TSC2: variants seen among roughly 807,000 people sequenced by gnomAD.
TSC2 encodes tuberin.
A neutral mutation model predicts 202.2 loss-of-function variants in TSC2; 29 were observed. The ratio of observed to expected loss-of-function variants is 0.14; its 90% CI spans 0.11 to 0.20. TSC2 has a LOEUF of 0.20. TSC2 is among the 10% of genes least tolerant of loss of function. The pLI is 1.00. For missense variants in TSC2, 2,429 were observed against 2,420.0 expected (o/e 1.00, Z -0.08); for synonymous variants, 1,349 against 1,044.0 (o/e 1.29, Z -5.63).
chr16:2,078,946 C>T, intron 26 of TSC2, 86 bp from the exon 27 acceptor site: 2 of 1,574,142 alleles, frequency 1.3e-6, no homozygotes, highest in South Asian at 2.2e-5. Flanking sequence ...CTCAGCCGTG[C>T]ATGCGTTGAG....
rs1400548727 is a variant in TSC2, at chr16:2,074,253, G to T, written c.2409G>T (p.Gln803His). 18 of 1,612,828 alleles carry T rather than the reference G, an allele frequency of 1.1e-5. No homozygotes were observed. In the East Asian group the frequency reaches 3.8e-4, roughly 34 times the overall value. ...EQGLIHRCASQCVVALSICSV... is the reference protein window; with the variant it reads ...EQGLIHRCASHCVVALSICSV... ...GCCTCATCCACCGCTGTGCCAGCCA[G>T]TGCGTCGTGGCCTTGTCCATCTGCA... Residue 803 changes from glutamine to histidine, a missense_variant, in exon 22 of 42, where the codon CAG becomes CAT. Gln to His is a conservative substitution (Grantham distance 24). Transcript: ENST00000219476.
chr16:2,080,376 AGGTACTGGGCGGGGCT>A lies in TSC2; in HGVS notation c.3610+2_3610+17del. 1 of 1,611,242 alleles carries A rather than the reference AGGTACTGGGCGGGGCT, an allele frequency of 6.2e-7. No homozygotes were observed. Among genetic ancestry groups the A allele is most frequent in the East Asian group, 2.2e-5 (1 of 44,888 alleles). On this transcript the variant is annotated splice_donor_variant and splice_donor_5th_base_variant and coding_sequence_variant and intron_variant, in exon 30 of 42. Transcript: ENST00000219476. LOFTEE classifies it high-confidence loss of function. ...CGGAGATCCTGGTCCGGAGGCCCAC[AGGTACTGGGCGGGGCT>A]GGCCTGAGCGCCATCTTTCTGCCAG...
rs2151137077 is a variant in TSC2, at chr16:2,060,747, G to A, written c.1053G>A (p.Lys351=). The change falls in exon 11 of 42, where the codon AAG becomes AAA. Residue 351 remains lysine (K), a synonymous_variant. Coordinates refer to ENST00000219476, the MANE Select transcript of TSC2 (RefSeq NM_000548.5). ...SITRLIKKYR[K]ELQVVAWDIL... ...CCAGGCTCATCAAGAAGTATAGGAA[G>A]GAGCTCCAGGTGGTGGCGTGGGACA... The A allele has an allele frequency of 6.2e-7, 1 of 1,614,148 alleles. No individual in the cohort carries two copies. The highest frequency in any genetic ancestry group is 8.5e-7 in the Non-Finnish European group (1 of 1,180,028).
intron 1 of TSC2, 197 bp downstream of exon 1, chr16:2,048,262 T>C: frequency 7.9e-7 from 1 of 1,260,668 alleles, no homozygotes; most frequent in Non-Finnish European, 1.1e-6. Flanking sequence ...TGACAGCTCC[T>C]GCTTCACATG....
intron 1 of TSC2, 164 bp downstream of exon 1, chr16:2,048,229 G>T (rs779120404): frequency 5.0e-5 from 73 of 1,449,094 alleles, no homozygotes; most frequent in Non-Finnish European, 6.3e-5. Context: ...GGTGCGAACG[G>T]GTCTCTGCTG....
At position 2,079,709 on chromosome 16, in the gene TSC2, GC is replaced by G; in HGVS notation, c.3397+41del. ...CAGCCACCTCCACACAGGCACCGGG[GC>G]TCCCTCAGTTGCTGCTGGTCCCAGT... On this transcript the variant is annotated intron_variant, in intron 29 of 41. Transcript: ENST00000219476. This position sits in a 1 kb window ranked among gnomAD's most constrained non-coding sequence, Gnocchi z 4.6. 1 of 1,539,330 alleles carries G rather than the reference GC, an allele frequency of 6.5e-7. No homozygotes were observed. Among genetic ancestry groups the G allele is most frequent in the Non-Finnish European group, 8.8e-7 (1 of 1,140,958 alleles).
intron 26 of TSC2, among the ~76,000 whole-genome samples, 186 bp downstream of exon 26, chr16:2,077,912 G>T (rs1357291798): frequency 6.6e-6 from 1 of 152,262 alleles, no homozygotes; most frequent in South Asian, 2.1e-4. Context: ...TATGAGCACG[G>T]GCTGGTTGCA....
rs1040260838 is a variant in TSC2 at position 2,065,464 on chromosome 16, G to T, written c.1600-55G>T. 1.1e-5 allele frequency: 14 copies of T among 1,312,652 alleles called. 1 individual carries two copies. The East Asian group carries it at 3.0e-4, about 28-fold the overall frequency. The allele number at this position is 1,312,652 out of a possible 1,614,324, so 81.3% of individuals were successfully genotyped here. A position where few individuals can be genotyped will look rare whatever the true frequency, so the allele number is the denominator to read the frequency against. On this transcript the variant is annotated intron_variant, in intron 15 of 41. Transcript: ENST00000219476. ...TGTTTGTGGTAGAAAGTGTTCTCAC[G>T]GCTGCTGACTCAGAACCATGAGCCT... is the stretch of plus-strand genomic sequence containing the variant.
At chr16:2,056,426 T>G (rs1459206291) in intron 7 of TSC2, among the ~76,000 whole-genome samples, 182 bp downstream of exon 7, 2 of 152,204 alleles carry the variant, frequency 1.3e-5, no homozygotes, top group Non-Finnish European at 2.9e-5. Flanking sequence ...CATGTGGAGA[T>G]GTAGCTCAGG....
At chr16:2,081,231 C>T in intron 30 of TSC2, 1 of 376,116 alleles carries the variant, frequency 2.7e-6, no homozygotes, top group South Asian at 2.2e-5. Context: ...GGCCCAGAGC[C>T]CAGGGACAGA....
chr16:2,076,747 C>T (rs2089442244), intron 25 of TSC2, 162 bp downstream of exon 25: 2 of 712,586 alleles, frequency 2.8e-6, no homozygotes, highest in South Asian at 1.7e-5. Flanking sequence ...TAACACCCCT[C>T]AGCCCCTCAG....
At chr16:2,070,068 G>C (rs1382031722) in intron 16 of TSC2, among the ~76,000 whole-genome samples, 1 of 152,136 alleles carries the variant, frequency 6.6e-6, no homozygotes, top group Non-Finnish European at 1.5e-5. Context: ...AGGGTTGCTG[G>C]AGGCAACAGA....
Position 2,053,417 on chromosome 16 carries a change from G to A in TSC2, c.301G>A (p.Val101Met), listed in dbSNP as rs878854089. The A allele has an allele frequency of 3.2e-6, 5 of 1,585,430 alleles. No individual in the cohort carries two copies. The highest frequency in any genetic ancestry group is 1.2e-5 in the South Asian group (1 of 86,760). The change falls in exon 4 of 42, where the codon GTG becomes ATG. Residue 101 changes from valine (V) to methionine (M), a missense_variant. By Grantham distance (21) the Val-to-Met change is conservative. Transcript: ENST00000219476. ...GCGGCCGCTGGAGGCCCGGCACGCGGTGCTGGCTCTGCTGAAGGCCATCGT... is the reference window on the plus strand; with the variant it reads ...GCGGCCGCTGGAGGCCCGGCACGCGATGCTGGCTCTGCTGAAGGCCATCGT... ...PERPLEARHA[V>M]LALLKAIVQG...
At position 2,086,722 on chromosome 16, in the gene TSC2, T is replaced by A. The variant is rs1238997365; in HGVS notation, c.4850-10T>A. On this transcript the variant is annotated splice_polypyrimidine_tract_variant and intron_variant, in intron 37 of 41. Coordinates refer to ENST00000219476, the MANE Select transcript of TSC2 (RefSeq NM_000548.5). ...GCCCCACAAACCCATCCGGCCCTGC[T>A]CACCCTCAGCCGTCTTCCACATCGC... The A allele has an allele frequency of 6.2e-7, 1 of 1,609,224 alleles. No individual in the cohort carries two copies. Among genetic ancestry groups the A allele is most frequent in the African/African-American group, 1.3e-5 (1 of 74,870 alleles).
chr16:2,050,548 C>G, intron 3 of TSC2, 62 bp downstream of exon 3: 1 of 1,413,368 alleles, frequency 7.1e-7, no homozygotes, highest in East Asian at 2.4e-5. Flanking sequence ...CCTGAGTTTG[C>G]TTTTTTTAGG....
At chr16:2,062,772 C>A in intron 13 of TSC2, 172 bp downstream of exon 13, 1 of 894,412 alleles carries the variant, frequency 1.1e-6, no homozygotes, top group Non-Finnish European at 1.8e-6. Context: ...TCCAGCAGGA[C>A]AGGTCCTCTC....
chr16:2,048,552 G>A lies in TSC2; in HGVS notation c.-29-35G>A, dbSNP rs759101073. ...AGTGGGGAAGGTGGGCAGAGGTGTT[G>A]CTCAGATGTCCCCATTCCTGTTTCG... On this transcript the variant is annotated intron_variant, in intron 1 of 41. Transcript: ENST00000219476. 4 of 1,612,710 alleles carry A rather than the reference G, an allele frequency of 2.5e-6. No individual in the cohort carries two copies. The South Asian group carries it at 3.3e-5, about 13-fold the overall frequency.
rs960359165 is a variant in TSC2 at position 2,088,795 on chromosome 16, A to C, written c.*185A>C. The C allele has an allele frequency of 1.2e-6, 1 of 801,362 alleles. No homozygotes were observed. The highest frequency in any genetic ancestry group is 1.9e-6 in the Non-Finnish European group (1 of 518,458). The allele number at this position is 801,362 out of a possible 1,614,324, so 49.6% of individuals were successfully genotyped here. ...AGGCTCTAGAAGCGGCCATGCCCAC[A>C]GAAGTGGTACACAGAAGCAGGCACA... On this transcript the variant is annotated 3_prime_UTR_variant, in exon 42 of 42. Coordinates refer to ENST00000219476, the MANE Select transcript of TSC2 (RefSeq NM_000548.5).
At chr16:2,074,062 C>A in intron 21 of TSC2, 138 bp from the exon 22 acceptor site, 1 of 1,115,812 alleles carries the variant, frequency 9.0e-7, no homozygotes, top group Non-Finnish European at 1.3e-6. Context: ...CTCAGCACTG[C>A]TGGCTCTGCC....
Sources: gnomAD v4.1 joint callset for allele counts (sites outside exome capture counted in the v4.1 genomes callset) on GRCh38, gnomAD v4.1.1 for gene constraint, Gnocchi (gnomAD v3.1) non-coding constraint, MANE v1.5 for transcripts, NCBI Gene and HGNC (gene_info 2026-07-23, HGNC 2026-07-21) for gene names.